The following BPTF variants were observed in gnomAD, a reference collection of about 807,000 sequenced individuals.
BPTF encodes the protein bromodomain PHD finger transcription factor, also known as nucleosome-remodeling factor subunit BPTF.
A neutral mutation model predicts 292.5 loss-of-function variants in BPTF; 18 were observed. That is an observed-to-expected ratio of 0.06 (90% CI 0.04 to 0.09). The LOEUF (loss-of-function observed/expected upper bound fraction) is 0.09, where lower values mean the gene tolerates loss of function less well. BPTF is among the 10% of genes least tolerant of loss of function. The pLI is 1.00. For missense variants in BPTF, 2,726 were observed against 3,498.7 expected (o/e 0.78, Z 5.57); for synonymous variants, 1,225 against 1,251.9 (o/e 0.98, Z 0.45).
chr17:67,951,625 C>A (rs1263874194), intron 23 of BPTF: 1 of 152,152 alleles, frequency 6.6e-6, no homozygotes, highest in Non-Finnish European at 1.5e-5. Context: ...TGAAAATGAT[C>A]TCTAAATCTA....
At chr17:67,858,431 T>TA (rs2058849718) in intron 2 of BPTF, among the ~76,000 whole-genome samples, 1 of 152,118 alleles carries the variant, frequency 6.6e-6, no homozygotes, top group African/African-American at 2.4e-5. Flanking sequence ...TTTTAAAGTT[T>TA]AAAGTTTACT....
At chr17:67,968,119 C>A (rs1022855564) in intron 26 of BPTF, among the ~76,000 whole-genome samples, 21 of 151,464 alleles carry the variant, frequency 1.4e-4, no homozygotes, top group African/African-American at 5.1e-4. Context: ...AATAATTTAT[C>A]TGCAAAAGAA....
intron 4 of BPTF, among the ~76,000 whole-genome samples, chr17:67,883,440 A>C (rs1293495243): frequency 6.7e-6 from 1 of 149,726 alleles, no homozygotes; most frequent in African/African-American, 2.4e-5. Context: ...GAAAATGTAG[A>C]GCATTTACAT....
intron 9 of BPTF, among the ~76,000 whole-genome samples, chr17:67,908,887 T>G (rs1205228108): frequency 6.9e-6 from 1 of 144,402 alleles, no homozygotes; most frequent in African/African-American, 2.6e-5. Context: ...CAGGCTGGAG[T>G]GCAGTGGCGT....
At chr17:67,963,442 C>T (rs1306723876) in intron 24 of BPTF, 11 of 1,536,006 alleles carry the variant, frequency 7.2e-6, no homozygotes, top group Non-Finnish European at 9.6e-6. Flanking sequence ...TGATTGTAAA[C>T]GGGCACAAGA....
intron 24 of BPTF, among the ~76,000 whole-genome samples, chr17:67,961,666 G>C (rs1410582878): frequency 6.6e-6 from 1 of 152,026 alleles, no homozygotes; most frequent in Non-Finnish European, 1.5e-5. Flanking sequence ...GGGCAACATA[G>C]AGAGACCCCG....
chr17:67,902,133 A>G (rs2061885320), intron 7 of BPTF, among the ~76,000 whole-genome samples: 3 of 152,200 alleles, frequency 2.0e-5, no homozygotes, highest in African/African-American at 7.2e-5. Flanking sequence ...TGCTTCCTCC[A>G]CAAAGAGAAG....
rs3205583 is a variant in BPTF at position 67,983,020 on chromosome 17, C to T, written c.*732C>T. On this transcript the variant is annotated 3_prime_UTR_variant, in exon 28 of 28. Coordinates refer to ENST00000306378, the MANE Select transcript of BPTF (RefSeq NM_182641.4). ...AATTTGTCAATTACTCTGCACCAGG[C>T]TAAAATGAGTAAAATCTATTTGAAG... 16 of 152,208 alleles carry T rather than the reference C, an allele frequency of 1.1e-4. No individual in the cohort carries two copies. Among genetic ancestry groups the T allele is most frequent in the Non-Finnish European group, 2.1e-4 (14 of 68,034 alleles). 9.4% of individuals were successfully genotyped at this position (152,208 alleles called of 1,614,324 possible).
chr17:67,924,664 C>G (rs2063722833), intron 15 of BPTF, 75 bp downstream of exon 15: 22 of 1,525,434 alleles, frequency 1.4e-5, no homozygotes, highest in Non-Finnish European at 1.5e-5. Context: ...ACTTGACCTC[C>G]CATCAGCAGG....
rs943348736 is a variant in BPTF at position 67,917,131 on chromosome 17, C to CTTTTTTTTTTTTTTTTTTTTTTTTTTTT, written c.5304-1564_5304-1563insTTTTTTTTTTTTTTTTTTTTTTTTTTTT. Among the ~76,000 whole-genome samples the CTTTTTTTTTTTTTTTTTTTTTTTTTTTT allele has an allele frequency of 4.2e-4, 44 of 105,780 alleles. 3 individuals are homozygous for CTTTTTTTTTTTTTTTTTTTTTTTTTTTT. Among genetic ancestry groups the CTTTTTTTTTTTTTTTTTTTTTTTTTTTT allele is most frequent in the South Asian group, 1.2e-3 (4 of 3,346 alleles). 69.4% of individuals were successfully genotyped at this position (105,780 alleles called of 152,430 possible). The stretch of plus-strand genomic sequence containing the variant: ...GATAAGTAACTAATATGGTATTGTC[C>CTTTTTTTTTTTTTTTTTTTTTTTTTTTT]TTTTTTTTTTTTTTTTTTTGAGATA... On this transcript the variant is annotated intron_variant, in intron 11 of 27. Transcript: ENST00000306378.
At chr17:67,826,995 A>G (rs1440904519) in intron 1 of BPTF, among the ~76,000 whole-genome samples, 1 of 152,212 alleles carries the variant, frequency 6.6e-6, no homozygotes, top group African/African-American at 2.4e-5. Flanking sequence ...TTGCTGTTAA[A>G]TGGCTGATTA....
At chr17:67,929,525 G>A in intron 17 of BPTF, 38 bp downstream of exon 17, 1 of 1,593,552 alleles carries the variant, frequency 6.3e-7, no homozygotes, top group Non-Finnish European at 8.6e-7. Context: ...TTGATGTGTT[G>A]AGCACATCAC....
chr17:67,869,945 T>C (rs1598347016), intron 3 of BPTF, among the ~76,000 whole-genome samples: 1 of 134,324 alleles, frequency 7.4e-6, no homozygotes, highest in Non-Finnish European at 1.5e-5. Context: ...GAGCTTGCAG[T>C]GAGCCGAGTG....
At chr17:67,909,988 TGAAAA>T (rs926815806) in intron 10 of BPTF, among the ~76,000 whole-genome samples, 1 of 152,214 alleles carries the variant, frequency 6.6e-6, no homozygotes, top group Admixed American at 6.5e-5. Flanking sequence ...TTCATAACCT[TGAAAA>T]GAAGCCTCAT....
At chr17:67,868,311 G>A (rs2059508082) in intron 3 of BPTF, among the ~76,000 whole-genome samples, 1 of 152,092 alleles carries the variant, frequency 6.6e-6, no homozygotes, top group African/African-American at 2.4e-5. Flanking sequence ...TGTCCTGCCA[G>A]ATGTATTCTG....
chr17:67,919,916 T>A, intron 12 of BPTF, 99 bp from the exon 13 acceptor site: 1 of 1,204,854 alleles, frequency 8.3e-7, no homozygotes, highest in Non-Finnish European at 1.2e-6. Flanking sequence ...TTCCAAAAGT[T>A]TATTCCACGT....
At chr17:67,932,281 G>C (rs2064464368) in intron 18 of BPTF, among the ~76,000 whole-genome samples, 1 of 152,152 alleles carries the variant, frequency 6.6e-6, no homozygotes, top group Non-Finnish European at 1.5e-5. Context: ...AAAGAAAACA[G>C]TCCGTATAGC....
Position 67,893,159 on chromosome 17 carries a change from T to G in BPTF, c.2056-211T>G, listed in dbSNP as rs1209010832. The stretch of plus-strand genomic sequence containing the variant: ...CATGTAATAGGTACTTAATATGTGT[T>G]AGTTTTCTTTCTGCAGGCATATCTT... On this transcript the variant is annotated intron_variant, in intron 5 of 27. Transcript: ENST00000306378. 2.1e-5 allele frequency: 12 copies of G among 568,046 alleles called. No homozygotes were observed. In the East Asian group the frequency reaches 3.1e-4, roughly 15 times the overall value. 35.2% of individuals were successfully genotyped at this position (568,046 alleles called of 1,614,324 possible).
Position 67,904,797 on chromosome 17 carries a change from G to T in BPTF, c.2769G>T (p.Leu923Phe), listed in dbSNP as rs1256500084. ...KTHVYRFVPK[L>F]PGNTNVNYRK... ...ATGTTTATAGGTTTGTTCCTAAATT[G>T]CCAGGCAATACTAATGTGAATTACA... The change falls in exon 9 of 28, where the codon TTG becomes TTT. Residue 923 changes from leucine (L) to phenylalanine (F), a missense_variant. By Grantham distance (22) the Leu-to-Phe change is conservative (BLOSUM62 0). Transcript: ENST00000306378. 6.2e-7 allele frequency: 1 copy of T among 1,613,028 alleles called. No individual in the cohort carries two copies. Among genetic ancestry groups the T allele is most frequent in the Admixed American group, 1.7e-5 (1 of 59,990 alleles).
Sources: gnomAD v4.1 joint callset for allele counts (sites outside exome capture counted in the v4.1 genomes callset) on GRCh38, gnomAD v4.1.1 for gene constraint, MANE v1.5 for transcripts, NCBI Gene and HGNC (gene_info 2026-07-23, HGNC 2026-07-21) for gene names.